The following POLRMT variants were observed in gnomAD, a reference collection of about 807,000 sequenced individuals.
POLRMT encodes RNA polymerase mitochondrial, also known as DNA-directed RNA polymerase, mitochondrial.
Under a neutral mutation model 132.2 loss-of-function variants are expected in POLRMT, and 114 were observed. The ratio of observed to expected loss-of-function variants is 0.86; its 90% CI spans 0.74 to 1.01. POLRMT has a LOEUF of 1.01. POLRMT is among the 50% of genes least tolerant of loss of function. The pLI is 0.00. For missense variants in POLRMT, 2,003 were observed against 1,729.1 expected (o/e 1.16, Z -2.81); for synonymous variants, 1,020 against 773.4 (o/e 1.32, Z -5.29).
At position 632,877 on chromosome 19, in the gene POLRMT, G is replaced by C; in HGVS notation, c.150C>G (p.Asp50Glu). The C allele has an allele frequency of 6.4e-7, 1 of 1,552,788 alleles. No homozygotes were observed. The highest frequency in any genetic ancestry group is 8.7e-7 in the Non-Finnish European group (1 of 1,152,938). ...GGCCCCAGTCCTTCCTGCGGTCTTG[G>C]TCTTGCTCCTGGGGGCTGGCGGACG... ...RSSSASPQEQ[D>E]QDRRKDWGHV... The change falls in exon 2 of 21, where the codon GAC becomes GAG. Residue 50 changes from aspartate (D) to glutamate (E), a missense_variant. By Grantham distance (45) the Asp-to-Glu change is conservative. Coordinates refer to ENST00000588649, the MANE Select transcript of POLRMT (RefSeq NM_005035.4).
chr19:620,404 G>C lies in POLRMT; in HGVS notation c.2724C>G (p.Ser908=), dbSNP rs777344298. Residue 908 remains serine, a synonymous_variant, in exon 11 of 21, where the codon TCC becomes TCG. Coordinates refer to ENST00000588649, the MANE Select transcript of POLRMT (RefSeq NM_005035.4). ...CMEVANAVRA[S]DPAAYVSHLP... is the part of the protein sequence containing the mutation. The stretch of plus-strand genomic sequence containing the variant: ...GGTGGGAGACATAGGCGGCAGGGTC[G>C]GAGGCGCGCACAGCGTTCGCCACCT... 6.3e-7 allele frequency: 1 copy of C among 1,586,554 alleles called. No individual in the cohort carries two copies. The highest frequency in any genetic ancestry group is 1.8e-5 in the Admixed American group (1 of 56,578).
rs753002965 is a variant in POLRMT at position 617,831 on chromosome 19, G to C, written c.3441C>G (p.Val1147=). The C allele has an allele frequency of 3.6e-5, 58 of 1,613,160 alleles. No individual in the cohort carries two copies. The African/African-American group carries it at 6.0e-4, about 17-fold the overall frequency. Residue 1147 remains valine (V), a synonymous_variant, in exon 18 of 21, where the codon GTC becomes GTG. Coordinates refer to ENST00000588649, the MANE Select transcript of POLRMT (RefSeq NM_005035.4). ...GAGTCCAGTAACAGTCGTGCACAGA[G>C]ACGAAGGTCAGGCCCTTCCTGTGGC... is the stretch of plus-strand genomic sequence containing the variant. ...LHCYRKGLTF[V]SVHDCYWTHA... is the part of the protein sequence containing the mutation.
In POLRMT at chr19:630,142, G is replaced by T; in HGVS notation, c.220C>A (p.Gln74Lys). ...EVLQARVRQL[Q>K]AESVSEVVVN... The stretch of plus-strand genomic sequence containing the variant: ...ACCACCTCCGACACGCTCTCAGCCT[G>T]CAGCTGCCGCACCCGCGCCTGGAGC... The change falls in exon 3 of 21, where the codon CAG becomes AAG. Residue 74 changes from glutamine (Q) to lysine (K), a missense_variant. Physicochemically the swap from Gln to Lys is moderately conservative, Grantham distance 53 (BLOSUM62 1). Transcript: ENST00000588649. 6.2e-7 allele frequency: 1 copy of T among 1,603,272 alleles called. No homozygotes were observed. Among genetic ancestry groups the T allele is most frequent in the East Asian group, 2.2e-5 (1 of 44,676 alleles).
At chr19:633,298 C>G in intron 1 of POLRMT, 127 bp downstream of exon 1, 3 of 1,183,732 alleles carry the variant, frequency 2.5e-6, no homozygotes, top group Non-Finnish European at 3.3e-6. Context: ...GAAAGCGGGG[C>G]CGGGTCGGTG....
chr19:631,338 A>AAGGGGGGGGG (rs764803872), intron 2 of POLRMT, among the ~76,000 whole-genome samples: 1 of 113,360 alleles, frequency 8.8e-6, no homozygotes, highest in Non-Finnish European at 1.8e-5. Context: ...AAAAAAAAAA[A>AAGGGGGGGGG]GGGGGGGGGG....
intron 20 of POLRMT, 22 bp downstream of exon 20, chr19:617,397 G>T (rs372469207): frequency 5.1e-5 from 82 of 1,612,218 alleles, no homozygotes; most frequent in Non-Finnish European, 6.8e-5. Context: ...AGCCACCCTT[G>T]CGAGGCTGCC....
chr19:623,342 A>G, intron 6 of POLRMT, 112 bp downstream of exon 6: 1 of 1,492,544 alleles, frequency 6.7e-7, no homozygotes, highest in Non-Finnish European at 8.9e-7. Context: ...CGGACACGCG[A>G]CCCCGGCTCA....
rs369510018 is a variant in POLRMT, at chr19:617,393, C to A, written c.3643+26G>T. On this transcript the variant is annotated intron_variant, in intron 20 of 20. Transcript: ENST00000588649. ...CGCCCTGGCCCGCAGTTCGAGCCAC[C>A]CTTGCGAGGCTGCCCACCCGCCTAC... 6.6e-4 allele frequency: 1,058 copies of A among 1,612,308 alleles called. 1 individual carries two copies. Among genetic ancestry groups the A allele is most frequent in the Non-Finnish European group, 7.9e-4 (928 of 1,179,766 alleles).
chr19:631,847 T>C (rs559552013), intron 2 of POLRMT, among the ~76,000 whole-genome samples: 1 of 152,136 alleles, frequency 6.6e-6, no homozygotes, highest in African/African-American at 2.4e-5. Flanking sequence ...GTTCAAGCGA[T>C]TCTCCTGTCT....
In POLRMT at chr19:617,797, C is replaced by T. The variant is rs1046129304; in HGVS notation, c.3475G>A (p.Asp1159Asn). ...GGCACCTGGTTCATGACGGAGACAT[C>T]AGCTGCGTGAGTCCAGTAACAGTCG... ...VHDCYWTHAADVSVMNQVCRE... is the reference protein window; with the variant it reads ...VHDCYWTHAANVSVMNQVCRE... The change falls in exon 18 of 21, where the codon GAT (aspartate) becomes AAT (asparagine). Residue 1159 changes from aspartate to asparagine, a missense_variant. Transcript: ENST00000588649. 18 of 1,613,276 alleles carry T rather than the reference C, an allele frequency of 1.1e-5. No homozygotes were observed. Among genetic ancestry groups the T allele is most frequent in the Non-Finnish European group, 1.4e-5 (17 of 1,179,932 alleles).
At chr19:622,528 G>A (rs1470817935) in intron 8 of POLRMT, 54 bp downstream of exon 8, 8 of 1,529,534 alleles carry the variant, frequency 5.2e-6, no homozygotes, top group Non-Finnish European at 7.0e-6. Context: ...CAGGGAGGGA[G>A]AGCGCCCACC....
At position 617,648 on chromosome 19, in the gene POLRMT, C is replaced by T. The variant is rs759104301; in HGVS notation, c.3503G>A (p.Arg1168Gln). The T allele has an allele frequency of 5.0e-6, 8 of 1,612,458 alleles. No homozygotes were observed. In the East Asian group the frequency reaches 6.7e-5, roughly 13 times the overall value. The change falls in exon 19 of 21, where the codon CGG becomes CAG. Residue 1168 changes from arginine (R) to glutamine (Q), a missense_variant. Arg to Gln is a conservative substitution (Grantham distance 43, BLOSUM62 1). Coordinates refer to ENST00000588649, the MANE Select transcript of POLRMT (RefSeq NM_005035.4). Reference sequence around the variant, plus strand: ...GCTGTGCAAGCGGACAAACTGCTCCCGGCACACCTGGGCAGGAGTCAGAGG... The same window carrying T: ...GCTGTGCAAGCGGACAAACTGCTCCTGGCACACCTGGGCAGGAGTCAGAGG... Reference protein sequence around the residue: ...ADVSVMNQVCREQFVRLHSEP... With the variant: ...ADVSVMNQVCQEQFVRLHSEP...
chr19:619,456 C>A, intron 13 of POLRMT, 130 bp downstream of exon 13: 3 of 1,402,186 alleles, frequency 2.1e-6, no homozygotes, highest in Non-Finnish European at 2.0e-6. Context: ...ACGCCCAAGC[C>A]CTAACAGGCA....
chr19:632,190 A>G (rs1178987814), intron 2 of POLRMT, among the ~76,000 whole-genome samples: 1 of 146,268 alleles, frequency 6.8e-6, no homozygotes, highest in African/African-American at 2.6e-5. Flanking sequence ...CACCTCGGCC[A>G]CCCAAAAGTG....
chr19:620,148 C>A (rs1454714707), intron 11 of POLRMT, 68 bp from the exon 12 acceptor site: 3 of 1,521,516 alleles, frequency 2.0e-6, no homozygotes, highest in Admixed American at 2.0e-5. Flanking sequence ...CCCAAACCAC[C>A]CCCCAGGTCG....
At chr19:631,198 C>T (rs991461701) in intron 2 of POLRMT, among the ~76,000 whole-genome samples, 3 of 151,904 alleles carry the variant, frequency 2.0e-5, no homozygotes, top group African/African-American at 7.3e-5. Flanking sequence ...TACAGGGCCG[C>T]GCACCTGTGG....
In POLRMT at chr19:621,701, C is replaced by T. The variant is rs746671541; in HGVS notation, c.1997G>A (p.Ser666Asn). The T allele has an allele frequency of 1.3e-6, 2 of 1,587,460 alleles. No individual in the cohort carries two copies. Among genetic ancestry groups the T allele is most frequent in the Non-Finnish European group, 1.7e-6 (2 of 1,170,534 alleles). ...TSPHSGAFLLSPTKLMRTVEG... is the reference protein window; with the variant it reads ...TSPHSGAFLLNPTKLMRTVEG... Reference sequence around the variant, plus strand: ...CACCGTGCGCATCAGCTTGGTGGGGCTGAGCAGGAAAGCACCAGAGTGCGG... The same window carrying T: ...CACCGTGCGCATCAGCTTGGTGGGGTTGAGCAGGAAAGCACCAGAGTGCGG... The change falls in exon 10 of 21, where the codon AGC becomes AAC. Residue 666 changes from serine to asparagine, a missense_variant. Transcript: ENST00000588649.
At chr19:628,485 C>T (rs545261600) in intron 3 of POLRMT, among the ~76,000 whole-genome samples, 4 of 152,308 alleles carry the variant, frequency 2.6e-5, no homozygotes, top group Admixed American at 2.6e-4. Flanking sequence ...CTGTTTGATG[C>T]GTTAATAAAG....
At position 621,567 on chromosome 19, in the gene POLRMT, C is replaced by A. The variant is rs200645726; in HGVS notation, c.2131G>T (p.Gly711Trp). The change falls in exon 10 of 21, where the codon GGG (glycine) becomes TGG (tryptophan). Residue 711 changes from glycine to tryptophan, a missense_variant. Transcript: ENST00000588649. The stretch of plus-strand genomic sequence containing the variant: ...TGCAGCACCAGGTCCAGCACGCGCC[C>A]GTTGACGCGCCAGGCGCAGTTGCCC... ...QLGNCAWRVN[G>W]RVLDLVLQLF... 6.9e-7 allele frequency: 1 copy of A among 1,454,472 alleles called. No homozygotes were observed. The highest frequency in any genetic ancestry group is 1.4e-5 in the South Asian group (1 of 71,672). 90.1% of individuals were successfully genotyped at this position (1,454,472 alleles called of 1,614,324 possible).
Sources: gnomAD v4.1 joint callset for allele counts (sites outside exome capture counted in the v4.1 genomes callset) on GRCh38, gnomAD v4.1.1 for gene constraint, MANE v1.5 for transcripts, NCBI Gene and HGNC (gene_info 2026-07-23, HGNC 2026-07-21) for gene names.